Variants in NUMB observed in about 807,000 individuals in gnomAD.
The protein encoded by NUMB is protein numb homolog.
In NUMB, 29 loss-of-function variants were observed where a neutral mutation model predicts 59.7. The ratio of observed to expected loss-of-function variants is 0.49; its 90% CI spans 0.36 to 0.66. NUMB has a LOEUF of 0.66. NUMB is among the 30% of genes least tolerant of loss of function. The pLI, the probability that NUMB is intolerant of heterozygous loss-of-function variation, is 0.00. For synonymous variants in NUMB, 288 were observed against 288.2 expected, an observed-to-expected ratio of 1.00 and a Z score of 0.01; for missense variants, 723 against 822.0, an observed-to-expected ratio of 0.88 and a Z score of 1.47.
At chr14:73,374,058 G>A (rs1050287661) in intron 2 of NUMB, among the ~76,000 whole-genome samples, 3 of 151,968 alleles carry the variant, frequency 2.0e-5, no homozygotes, top group Non-Finnish European at 4.4e-5. Flanking sequence ...TAGTAGATAC[G>A]GGGTTTCACC....
chr14:73,352,503 T>TGG (rs1566756216), intron 4 of NUMB, among the ~76,000 whole-genome samples: 1 of 14,210 alleles, frequency 7.0e-5, no homozygotes, highest in Non-Finnish European at 1.1e-4. Context: ...TATATATATA[T>TGG]ATATATATAT....
At chr14:73,354,537 A>C (rs1043327909) in intron 4 of NUMB, among the ~76,000 whole-genome samples, 4 of 147,950 alleles carry the variant, frequency 2.7e-5, no homozygotes, top group African/African-American at 1.0e-4. Flanking sequence ...AAGAATATAT[A>C]GGAAATAGGC....
rs1432695985 is a variant in NUMB at position 73,275,449 on chromosome 14, C to T, written c.*1129G>A. 6.6e-6 allele frequency: 1 copy of T among 152,278 alleles called. No individual in the cohort carries two copies. The highest frequency in any genetic ancestry group is 1.5e-5 in the Non-Finnish European group (1 of 68,004). 9.4% of individuals were successfully genotyped at this position (152,278 alleles called of 1,614,324 possible). On this transcript the variant is annotated 3_prime_UTR_variant, in exon 13 of 13. Coordinates refer to ENST00000555238, the MANE Select transcript of NUMB (RefSeq NM_001005743.2). Reference sequence around the variant, plus strand: ...AATAAAACCAGAATCCCCATCCCCACAAAACTCATGGGAACAAAATTTAAA... The same window carrying T: ...AATAAAACCAGAATCCCCATCCCCATAAAACTCATGGGAACAAAATTTAAA...
At chr14:73,338,464 T>C (rs1892465400) in intron 4 of NUMB, among the ~76,000 whole-genome samples, 2 of 152,244 alleles carry the variant, frequency 1.3e-5, no homozygotes. Context: ...ATCTGGATTT[T>C]TGTAAAAGCC....
intron 6 of NUMB, among the ~76,000 whole-genome samples, chr14:73,300,144 G>T (rs774322790): frequency 7.2e-5 from 11 of 152,026 alleles, no homozygotes; most frequent in Non-Finnish European, 1.3e-4. Flanking sequence ...TCCTCTTCAC[G>T]TGCTGAATGG....
At chr14:73,337,109 G>A (rs1406475728) in intron 4 of NUMB, among the ~76,000 whole-genome samples, 1 of 150,990 alleles carries the variant, frequency 6.6e-6, no homozygotes, top group East Asian at 1.9e-4. Flanking sequence ...GTGCCTGCCT[G>A]TCTCAAAAAA....
chr14:73,288,363 C>T (rs1287626378), intron 8 of NUMB, among the ~76,000 whole-genome samples: 5 of 151,824 alleles, frequency 3.3e-5, no homozygotes, highest in Admixed American at 3.3e-4. Flanking sequence ...CCAGCCTGCC[C>T]AACGTGGCGA....
intron 2 of NUMB, among the ~76,000 whole-genome samples, chr14:73,392,489 G>GCTAC (rs1433189423): frequency 1.4e-5 from 2 of 145,958 alleles, no homozygotes; most frequent in Non-Finnish European, 2.9e-5. Flanking sequence ...TCTGAAAGAG[G>GCTAC]CTACCACACT....
intron 2 of NUMB, among the ~76,000 whole-genome samples, chr14:73,390,942 C>G (rs1463159313): frequency 6.6e-6 from 1 of 152,006 alleles, no homozygotes; most frequent in Non-Finnish European, 1.5e-5. Flanking sequence ...AGCCACCACA[C>G]CTGGCTGGTC....
intron 3 of NUMB, among the ~76,000 whole-genome samples, chr14:73,361,791 C>G (rs1894108059): frequency 6.6e-6 from 1 of 151,954 alleles, no homozygotes; most frequent in South Asian, 2.1e-4. Flanking sequence ...TTATCAAGAC[C>G]TCAAGGTCTT....
intron 12 of NUMB, among the ~76,000 whole-genome samples, chr14:73,277,594 C>T (rs536001514): frequency 2.0e-5 from 3 of 152,226 alleles, no homozygotes; most frequent in African/African-American, 7.2e-5. Context: ...GTTGCTATGG[C>T]TCATCCACAA....
intron 1 of NUMB, among the ~76,000 whole-genome samples, chr14:73,454,373 T>C (rs1209037114): frequency 6.6e-6 from 1 of 152,176 alleles, no homozygotes; most frequent in Non-Finnish European, 1.5e-5. Flanking sequence ...AATACTTTTT[T>C]AAAGGTAATT....
chr14:73,444,249 A>G (rs1392911673), intron 1 of NUMB, among the ~76,000 whole-genome samples: 1 of 151,880 alleles, frequency 6.6e-6, no homozygotes, highest in Non-Finnish European at 1.5e-5. Flanking sequence ...AATACAAAAA[A>G]TTAGCCAGGT....
At chr14:73,335,500 C>T (rs1005969119) in intron 4 of NUMB, among the ~76,000 whole-genome samples, 1 of 152,082 alleles carries the variant, frequency 6.6e-6, no homozygotes, top group Admixed American at 6.6e-5. Context: ...AGAATTGCAG[C>T]TGATTTATGC....
rs1566756247 is a variant in NUMB at position 73,352,505 on chromosome 14, TATATATATATATATATATATATATG to T, written c.126+3096_126+3120del. Among the ~76,000 whole-genome samples the T allele has an allele frequency of 2.3e-3, 35 of 15,154 alleles. 5 individuals carry two copies. Among genetic ancestry groups the T allele is most frequent in the African/African-American group, 7.0e-3 (14 of 1,992 alleles). 9.9% of individuals were successfully genotyped at this position (15,154 alleles called of 152,430 possible). A position where few individuals can be genotyped will look rare whatever the true frequency, so the allele number is the denominator to read the frequency against. On this transcript the variant is annotated intron_variant, in intron 4 of 12. Transcript: ENST00000555238. ...ATATATATATATATATATATATATA[TATATATATATATATATATATATATG>T]TTTTTTTTTTTTTTTTTTTTTTGAG... is the stretch of plus-strand genomic sequence containing the variant.
chr14:73,329,505 A>C (rs1891842575), intron 4 of NUMB, among the ~76,000 whole-genome samples: 1 of 152,122 alleles, frequency 6.6e-6, no homozygotes, highest in Non-Finnish European at 1.5e-5. Context: ...TGGGACACCC[A>C]TCTTCTCTTG....
At chr14:73,363,551 CTAACTCATTATTT>C (rs1292464215) in intron 3 of NUMB, among the ~76,000 whole-genome samples, 2 of 152,132 alleles carry the variant, frequency 1.3e-5, no homozygotes, top group African/African-American at 4.8e-5. Flanking sequence ...AAAATAGTTT[CTAACTCATTATTT>C]GAGGCTGGCA....
intron 8 of NUMB, among the ~76,000 whole-genome samples, chr14:73,292,057 G>A (rs1196047700): frequency 6.6e-6 from 1 of 151,242 alleles, no homozygotes; most frequent in Non-Finnish European, 1.5e-5. Context: ...TCTGTTTTTG[G>A]AGACAAGGTC....
At chr14:73,311,736 C>T (rs951940863) in intron 6 of NUMB, among the ~76,000 whole-genome samples, 1 of 152,126 alleles carries the variant, frequency 6.6e-6, no homozygotes, top group Non-Finnish European at 1.5e-5. Context: ...CAAAGAATAA[C>T]AAAGTATCAA....
Sources: gnomAD v4.1 joint callset for allele counts (sites outside exome capture counted in the v4.1 genomes callset) on GRCh38, gnomAD v4.1.1 for gene constraint, MANE v1.5 for transcripts, NCBI Gene and HGNC (gene_info 2026-07-23, HGNC 2026-07-21) for gene names.